Variants in GRIK3 observed in about 807,000 individuals in gnomAD.
The protein encoded by GRIK3 is glutamate ionotropic receptor kainate type subunit 3, also known as glutamate receptor ionotropic, kainate 3.
GRIK3 carries 29 observed loss-of-function variants against 102.5 expected under a neutral mutation model. That is an observed-to-expected ratio of 0.28 (90% CI 0.21 to 0.39). The LOEUF (loss-of-function observed/expected upper bound fraction) is 0.39, where lower values mean the gene tolerates loss of function less well. Among genes scored for constraint, GRIK3 ranks in the 10% least tolerant of loss-of-function variants. GRIK3 has a pLI of 1.00. For missense variants in GRIK3, 908 were observed against 1,252.4 expected (o/e 0.73, Z 4.15); for synonymous variants, 511 against 504.9 (o/e 1.01, Z -0.16).
intron 1 of GRIK3, among the ~76,000 whole-genome samples, chr1:36,948,706 T>C (rs1194864670): frequency 6.6e-6 from 1 of 152,140 alleles, no homozygotes; most frequent in Non-Finnish European, 1.5e-5. Flanking sequence ...CAAGGCCCAG[T>C]GTAGGAACCC....
chr1:36,908,187 G>A (rs1641306824), intron 1 of GRIK3, among the ~76,000 whole-genome samples: 1 of 152,190 alleles, frequency 6.6e-6, no homozygotes, highest in Non-Finnish European at 1.5e-5. Flanking sequence ...TTCCTGAAGA[G>A]CACTCTTCCC....
intron 1 of GRIK3, among the ~76,000 whole-genome samples, chr1:36,980,842 G>A (rs1242936694): frequency 6.6e-6 from 1 of 152,136 alleles, no homozygotes. Context: ...CAAAATCCCA[G>A]CCTGGAAACC....
At chr1:36,818,818 G>A (rs746578605) in intron 12 of GRIK3, among the ~76,000 whole-genome samples, 93 of 152,350 alleles carry the variant, frequency 6.1e-4, no homozygotes, top group Non-Finnish European at 8.2e-4. Context: ...GTCCCTGGAA[G>A]CCCCTTCCCT....
At chr1:36,959,924 G>GTGAGCCA (rs1641984154) in intron 1 of GRIK3, among the ~76,000 whole-genome samples, 1 of 62,552 alleles carries the variant, frequency 1.6e-5, no homozygotes, top group Non-Finnish European at 3.7e-5. Flanking sequence ...CTGTGAGCCT[G>GTGAGCCA]TGTGCCCCAT....
At chr1:36,862,898 G>A (rs534540155) in intron 5 of GRIK3, among the ~76,000 whole-genome samples, 1 of 152,292 alleles carries the variant, frequency 6.6e-6, no homozygotes, top group South Asian at 2.1e-4. Flanking sequence ...CTGGCAGGAG[G>A]TTGTGACAGC....
chr1:36,913,357 G>A (rs1570795750), intron 1 of GRIK3, among the ~76,000 whole-genome samples: 3 of 152,294 alleles, frequency 2.0e-5, no homozygotes, highest in Admixed American at 2.0e-4. Flanking sequence ...GTGGGCAGAG[G>A]CGAGGGTCAG....
At chr1:36,911,677 T>A (rs1641346855) in intron 1 of GRIK3, among the ~76,000 whole-genome samples, 1 of 152,008 alleles carries the variant, frequency 6.6e-6, no homozygotes, top group African/African-American at 2.4e-5. Flanking sequence ...AGTCAAATAT[T>A]GCAGAATCGA....
At chr1:36,874,676 C>G (rs536073787) in intron 3 of GRIK3, among the ~76,000 whole-genome samples, 36 of 152,314 alleles carry the variant, frequency 2.4e-4, no homozygotes, top group African/African-American at 8.7e-4. Flanking sequence ...GCACAGTTTG[C>G]TCCTCCCTGT....
At chr1:36,998,389 T>G (rs570754252) in intron 1 of GRIK3, among the ~76,000 whole-genome samples, 1 of 152,322 alleles carries the variant, frequency 6.6e-6, no homozygotes, top group East Asian at 1.9e-4. Flanking sequence ...TAACTTAGCA[T>G]TGCCTTCCCA....
chr1:37,019,475 G>A (rs1303907049), intron 1 of GRIK3, among the ~76,000 whole-genome samples: 1 of 152,162 alleles, frequency 6.6e-6, no homozygotes, highest in African/African-American at 2.4e-5. Flanking sequence ...AGATCCAAGT[G>A]CAAGACTCTG....
chr1:37,032,874 T>A (rs1359720007), intron 1 of GRIK3, among the ~76,000 whole-genome samples: 2 of 152,166 alleles, frequency 1.3e-5, no homozygotes, highest in Non-Finnish European at 2.9e-5. Context: ...CGACACCGGT[T>A]CCGGCACCTC....
chr1:36,853,483 C>T (rs1640608134), intron 8 of GRIK3, 132 bp downstream of exon 8: 1 of 642,890 alleles, frequency 1.6e-6, no homozygotes, highest in South Asian at 1.9e-5. Context: ...CTACACTGGA[C>T]CAAGTCAATC....
At chr1:37,017,034 G>T (rs1412141330) in intron 1 of GRIK3, among the ~76,000 whole-genome samples, 6 of 151,974 alleles carry the variant, frequency 3.9e-5, no homozygotes, top group Non-Finnish European at 5.9e-5. Flanking sequence ...AGCCAACATG[G>T]TGAAACTCTG....
At chr1:36,932,507 T>C (rs1043776012) in intron 1 of GRIK3, among the ~76,000 whole-genome samples, 23 of 152,238 alleles carry the variant, frequency 1.5e-4, no homozygotes, top group African/African-American at 5.3e-4. Flanking sequence ...TCTGCATCCT[T>C]CCCCTTCCGG....
intron 9 of GRIK3, among the ~76,000 whole-genome samples, chr1:36,842,752 C>CAG (rs1640472095): frequency 6.6e-6 from 1 of 152,198 alleles, no homozygotes; most frequent in Admixed American, 6.5e-5. Flanking sequence ...AATGTCAGCC[C>CAG]TCTGGGGTGG....
chr1:36,949,574 C>CTTTTTTT lies in GRIK3; in HGVS notation c.116-58485_116-58479dup, dbSNP rs60157852. ...TTTTTTTCTTTCTCTCTCTCTCTTT[C>CTTTTTTT]TTTTTTTTTTTTTTTTTTTTTTTGA... is the stretch of plus-strand genomic sequence containing the variant. On this transcript the variant is annotated intron_variant, in intron 1 of 15. Transcript: ENST00000373091. Among the ~76,000 whole-genome samples, 438 of 99,662 alleles carry CTTTTTTT rather than the reference C, an allele frequency of 4.4e-3. 2 individuals are homozygous for CTTTTTTT. The highest frequency in any genetic ancestry group is 7.1e-3 in the Middle Eastern group (1 of 140). The allele number at this position is 99,662 out of a possible 152,430, so 65.4% of individuals were successfully genotyped here. A position where few individuals can be genotyped will look rare whatever the true frequency, so the allele number is the denominator to read the frequency against.
At chr1:36,847,091 G>A (rs1417912004) in intron 9 of GRIK3, among the ~76,000 whole-genome samples, 1 of 152,202 alleles carries the variant, frequency 6.6e-6, no homozygotes, top group Non-Finnish European at 1.5e-5. Context: ...TCACCCCCAG[G>A]CCATGTGAGT....
intron 1 of GRIK3, among the ~76,000 whole-genome samples, chr1:36,952,321 C>T (rs1473954953): frequency 6.6e-6 from 1 of 152,184 alleles, no homozygotes; most frequent in Non-Finnish European, 1.5e-5. Flanking sequence ...AGCTGTCATC[C>T]AGGCAGCAGC....
chr1:37,004,463 G>T (rs572613730), intron 1 of GRIK3, among the ~76,000 whole-genome samples: 1 of 152,312 alleles, frequency 6.6e-6, no homozygotes, highest in South Asian at 2.1e-4. Flanking sequence ...GAGGGCAGTG[G>T]GGGTCTGGGG....
Sources: allele counts gnomAD v4.1 joint callset (sites outside exome capture counted in the v4.1 genomes callset), GRCh38; gene constraint gnomAD v4.1.1; transcripts MANE v1.5; gene names NCBI Gene and HGNC (gene_info 2026-07-23, HGNC 2026-07-21).